Variants in PMEPA1 observed in about 807,000 individuals in gnomAD.
PMEPA1 encodes protein TMEPAI.
Under a neutral mutation model 23.0 loss-of-function variants are expected in PMEPA1, and 11 were observed. The ratio of observed to expected loss-of-function variants is 0.48; its 90% CI spans 0.30 to 0.79. The LOEUF (loss-of-function observed/expected upper bound fraction) is 0.79, where lower values mean the gene tolerates loss of function less well. Ranked by LOEUF, PMEPA1 falls within the 30% of genes least tolerant of loss-of-function variation. PMEPA1 has a pLI of 0.06. For synonymous variants in PMEPA1, 204 were observed against 166.4 expected (o/e 1.23, Z -1.74); for missense variants, 377 against 390.9 (o/e 0.96, Z 0.30).
chr20:57,661,296 C>G (rs1244644928), intron 1 of PMEPA1, among the ~76,000 whole-genome samples: 1 of 152,224 alleles, frequency 6.6e-6, no homozygotes, highest in Admixed American at 6.5e-5. Context: ...GCTGGCCGAG[C>G]ACGGTGCCAG....
chr20:57,684,653 C>T (rs905695666), intron 1 of PMEPA1, among the ~76,000 whole-genome samples: 17 of 152,350 alleles, frequency 1.1e-4, no homozygotes, highest in African/African-American at 3.8e-4. Flanking sequence ...ATGACCTAGT[C>T]GCTATGGCAA....
chr20:57,690,739 C>T, intron 1 of PMEPA1: 1 of 374,868 alleles, frequency 2.7e-6, no homozygotes, highest in South Asian at 2.8e-5. Flanking sequence ...CCAGCCGACC[C>T]CCACCTGCCG....
intron 1 of PMEPA1, among the ~76,000 whole-genome samples, chr20:57,664,853 A>G (rs1568967699): frequency 6.6e-6 from 1 of 152,240 alleles, no homozygotes; most frequent in Non-Finnish European, 1.5e-5. Context: ...AGGCGGCTTC[A>G]GGACTTCTGG....
At chr20:57,679,095 GT>G (rs966849691) in intron 1 of PMEPA1, among the ~76,000 whole-genome samples, 1 of 152,238 alleles carries the variant, frequency 6.6e-6, no homozygotes, top group African/African-American at 2.4e-5. Context: ...ACTAGAGCAG[GT>G]TTGTGATAAT....
intron 1 of PMEPA1, among the ~76,000 whole-genome samples, chr20:57,702,093 C>G (rs2072019093): frequency 6.6e-6 from 1 of 152,116 alleles, no homozygotes; most frequent in Non-Finnish European, 1.5e-5. Flanking sequence ...TGAAATGACT[C>G]GTGTTCTTTC....
At chr20:57,658,689 C>T (rs942999669) in intron 2 of PMEPA1, among the ~76,000 whole-genome samples, 21 of 152,148 alleles carry the variant, frequency 1.4e-4, no homozygotes, top group Non-Finnish European at 2.8e-4. Flanking sequence ...TCTGAGGGCA[C>T]GTGGCCAGTA....
intron 1 of PMEPA1, among the ~76,000 whole-genome samples, chr20:57,669,657 G>A (rs2146664098): frequency 1.3e-5 from 2 of 152,282 alleles, no homozygotes; most frequent in African/African-American, 4.8e-5. Context: ...CAACAAATAT[G>A]TTTTTAAAAA....
intron 1 of PMEPA1, among the ~76,000 whole-genome samples, chr20:57,662,743 C>A (rs1463483179): frequency 1.3e-5 from 2 of 152,090 alleles, no homozygotes; most frequent in Admixed American, 1.3e-4. Flanking sequence ...CCCTGCCCCC[C>A]AACCCTGTGC....
intron 1 of PMEPA1, among the ~76,000 whole-genome samples, chr20:57,687,155 C>G (rs1212818264): frequency 2.0e-5 from 3 of 152,246 alleles, no homozygotes; most frequent in Admixed American, 6.5e-5. Flanking sequence ...GTTCTAGAAC[C>G]GATCTGCCAA....
At position 57,682,918 on chromosome 20, in the gene PMEPA1, G is replaced by GCCT. The variant is rs2146683912; in HGVS notation, c.110-23224_110-23222dup. ...TTGCCTGACAAATGAGCAGCAGCTC[G>GCCT]CCTCCTAAATAAGGCAGCACACCAA... On this transcript the variant is annotated intron_variant, in intron 1 of 3. Coordinates refer to ENST00000341744, the MANE Select transcript of PMEPA1 (RefSeq NM_020182.5). This position sits in a 1 kb window ranked among gnomAD's most constrained non-coding sequence, Gnocchi z 4.4. Among the ~76,000 whole-genome samples the GCCT allele has an allele frequency of 6.6e-6, 1 of 152,284 alleles. No individual in the cohort carries two copies. The highest frequency in any genetic ancestry group is 2.1e-4 in the South Asian group (1 of 4,816).
intron 1 of PMEPA1, among the ~76,000 whole-genome samples, chr20:57,703,216 G>A (rs977289555): frequency 3.9e-5 from 6 of 152,236 alleles, no homozygotes; most frequent in South Asian, 4.1e-4. Context: ...ACTGAAGACC[G>A]GCCCCTCCCC....
rs139784392 is a variant in PMEPA1, at chr20:57,698,067, C to A, written c.109+11407G>T. Among the ~76,000 whole-genome samples the A allele has an allele frequency of 1.2e-4, 18 of 152,270 alleles. No individual in the cohort carries two copies. In the East Asian group the frequency reaches 3.5e-3, roughly 29 times the overall value. ...GAGGCAACATTCTCTGCATCTGTGG[C>A]TTATGACTTGAAACGTCTCTCCAGG... On this transcript the variant is annotated intron_variant, in intron 1 of 3. Transcript: ENST00000341744.
Position 57,706,949 on chromosome 20 carries a change from C to T in PMEPA1, c.109+2525G>A, listed in dbSNP as rs144606692. On this transcript the variant is annotated intron_variant, in intron 1 of 3. Coordinates refer to ENST00000341744, the MANE Select transcript of PMEPA1 (RefSeq NM_020182.5). ...CCAGCCAGGCTCAGCAGGGGAGAGG[C>T]CCTATCTTGAAAGACTATAGAATTC... 1.7e-3 allele frequency among the ~76,000 whole-genome samples: 254 copies of T among 152,302 alleles called. 1 individual carries two copies. The highest frequency in any genetic ancestry group is 6.0e-3 in the African/African-American group (249 of 41,550).
upstream of PMEPA1, chr20:57,710,706 C>T (rs2072169457): frequency 4.3e-6 from 2 of 463,092 alleles, no homozygotes; most frequent in South Asian, 8.1e-5. Flanking sequence ...CCCAAGGGGC[C>T]TCCGGCTGGG....
chr20:57,706,760 T>C (rs73300605), intron 1 of PMEPA1, among the ~76,000 whole-genome samples: 7,933 of 152,226 alleles, frequency 0.052, 422 homozygotes, highest in African/African-American at 0.13. Flanking sequence ...GTGTGGGTTT[T>C]GGACCTCGGG....
chr20:57,675,569 G>A (rs1257212067), intron 1 of PMEPA1, among the ~76,000 whole-genome samples: 1 of 152,066 alleles, frequency 6.6e-6, no homozygotes. Flanking sequence ...CTTGCTACGA[G>A]TGTTTTCCGG....
intron 1 of PMEPA1, among the ~76,000 whole-genome samples, chr20:57,660,072 C>A (rs1568964420): frequency 6.6e-6 from 1 of 152,166 alleles, no homozygotes; most frequent in Non-Finnish European, 1.5e-5. Context: ...AGCTGACTGG[C>A]AGAAAGGGAG....
At chr20:57,696,310 C>A (rs545991104) in intron 1 of PMEPA1, among the ~76,000 whole-genome samples, 25 of 152,288 alleles carry the variant, frequency 1.6e-4, no homozygotes. Flanking sequence ...AGCCTGGGCG[C>A]CCCTGGGGCT....
At chr20:57,690,704 C>G in intron 1 of PMEPA1, 1 of 635,590 alleles carries the variant, frequency 1.6e-6, no homozygotes, top group Non-Finnish European at 2.2e-6. Context: ...GATCTGGCTT[C>G]TTCTGAGTTT....
Sources: gnomAD v4.1 joint callset for allele counts (sites outside exome capture counted in the v4.1 genomes callset) on GRCh38, gnomAD v4.1.1 for gene constraint, Gnocchi (gnomAD v3.1) non-coding constraint, MANE v1.5 for transcripts, NCBI Gene and HGNC (gene_info 2026-07-23, HGNC 2026-07-21) for gene names.